CDH18: variants seen among roughly 807,000 people sequenced by gnomAD.
CDH18 encodes cadherin 18, also known as cadherin-18.
In CDH18, 31 loss-of-function variants were observed where a neutral mutation model predicts 67.9. The ratio of observed to expected loss-of-function variants is 0.46; its 90% CI spans 0.34 to 0.62. The LOEUF is 0.62. Among genes scored for constraint, CDH18 ranks in the 20% least tolerant of loss-of-function variants. The pLI, the probability that CDH18 is intolerant of heterozygous loss-of-function variation, is 0.01. For synonymous variants in CDH18, 362 were observed against 347.2 expected (o/e 1.04, Z -0.48); for missense variants, 890 against 975.5 (o/e 0.91, Z 1.17).
At chr5:20,044,662 C>T (rs898314129) in intron 2 of CDH18, among the ~76,000 whole-genome samples, 22 of 152,026 alleles carry the variant, frequency 1.4e-4, no homozygotes, top group African/African-American at 4.8e-4. Flanking sequence ...ATCAGGAACA[C>T]TTTGAATTGT....
At chr5:20,536,705 C>G (rs558956144) in intron 1 of CDH18, among the ~76,000 whole-genome samples, 1 of 152,214 alleles carries the variant, frequency 6.6e-6, no homozygotes, top group African/African-American at 2.4e-5. Flanking sequence ...AAATAGACAG[C>G]ACAGAACATC....
chr5:20,039,684 A>G (rs1486620877), intron 2 of CDH18, among the ~76,000 whole-genome samples: 5 of 152,226 alleles, frequency 3.3e-5, no homozygotes, highest in Admixed American at 3.3e-4. Context: ...TACACCTTAT[A>G]CAAAAATTAC....
intron 2 of CDH18, among the ~76,000 whole-genome samples, chr5:20,053,341 C>G (rs1741610876): frequency 6.6e-6 from 1 of 151,566 alleles, no homozygotes; most frequent in African/African-American, 2.4e-5. Flanking sequence ...AAAGGTCACT[C>G]TTTAGGTTCC....
At chr5:20,539,512 C>T (rs546500920) in intron 1 of CDH18, among the ~76,000 whole-genome samples, 199 of 151,972 alleles carry the variant, frequency 1.3e-3, no homozygotes, top group African/African-American at 4.6e-3. Context: ...ATATATTTTC[C>T]ATAGTGAAAC....
chr5:19,787,334 C>T (rs1269293663), intron 3 of CDH18, among the ~76,000 whole-genome samples: 1 of 150,950 alleles, frequency 6.6e-6, no homozygotes, highest in Non-Finnish European at 1.5e-5. Flanking sequence ...CACCTGTAGT[C>T]CCAGCTACTA....
At position 20,369,070 on chromosome 5, in the gene CDH18, G is replaced by A. The variant is rs570787483; in HGVS notation, c.-579-113565C>T. On this transcript the variant is annotated intron_variant, in intron 1 of 14. Transcript: ENST00000507958. ...AATCTTTTTCTTCTTCTTCTTCTCA[G>A]CTTGCCCTTGACTGCTATGGAAACC... Among the ~76,000 whole-genome samples the A allele has an allele frequency of 4.0e-5, 6 of 151,838 alleles. No individual in the cohort carries two copies. In the South Asian group the frequency reaches 1.0e-3, roughly 26 times the overall value.
intron 2 of CDH18, among the ~76,000 whole-genome samples, chr5:20,225,834 A>C (rs1341838311): frequency 6.6e-6 from 1 of 152,136 alleles, no homozygotes; most frequent in Non-Finnish European, 1.5e-5. Flanking sequence ...GTGAAATGGA[A>C]ACTTTTAAGC....
chr5:20,385,972 G>A (rs1369378198), intron 1 of CDH18, among the ~76,000 whole-genome samples: 2 of 152,156 alleles, frequency 1.3e-5, no homozygotes, highest in African/African-American at 4.8e-5. Context: ...TTTCATAGGT[G>A]TAGTTGTTAC....
intron 1 of CDH18, among the ~76,000 whole-genome samples, chr5:20,474,409 G>T (rs1390325533): frequency 6.6e-6 from 1 of 152,120 alleles, no homozygotes; most frequent in Non-Finnish European, 1.5e-5. Context: ...AGCTTACTAA[G>T]TTCCCAGAAG....
chr5:19,612,493 G>C lies in CDH18; in HGVS notation c.752C>G (p.Ser251Cys). The part of the protein sequence containing the change: ...MAGQVGGLSG[S>C]TTVNITLTDV... ...GGTTAAGGTGATGTTGACTGTTGTA[G>C]ATCCTGAAAGCCCTCCAACTTGCCC... The change falls in exon 6 of 13, where the codon TCT becomes TGT. Residue 251 changes from serine (S) to cysteine (C), a missense_variant. Physicochemically the swap from Ser to Cys is moderately radical, Grantham distance 112. Transcript: ENST00000382275. 3 of 1,614,090 alleles carry C rather than the reference G, an allele frequency of 1.9e-6. No homozygotes were observed. The highest frequency in any genetic ancestry group is 2.5e-6 in the Non-Finnish European group (3 of 1,180,010).
At chr5:19,745,608 T>C (rs17287316) in intron 4 of CDH18, among the ~76,000 whole-genome samples, 14,732 of 152,150 alleles carry the variant, frequency 0.097, 829 homozygotes, top group Admixed American at 0.15. Context: ...CCCACCAGGG[T>C]TAAAAAATGC....
At chr5:19,845,035 A>T (rs1170830059) in intron 2 of CDH18, among the ~76,000 whole-genome samples, 2 of 152,204 alleles carry the variant, frequency 1.3e-5, no homozygotes, top group South Asian at 4.1e-4. Context: ...TACTAAGAAG[A>T]CATGCACAGT....
intron 2 of CDH18, among the ~76,000 whole-genome samples, chr5:19,915,506 G>A (rs916571241): frequency 6.6e-6 from 1 of 151,972 alleles, no homozygotes; most frequent in Non-Finnish European, 1.5e-5. Flanking sequence ...ACAGCCTACT[G>A]TTGACTGGAA....
intron 2 of CDH18, among the ~76,000 whole-genome samples, chr5:19,903,854 C>T (rs966096766): frequency 6.6e-6 from 1 of 151,994 alleles, no homozygotes; most frequent in African/African-American, 2.4e-5. Flanking sequence ...CAGCGATTTC[C>T]TCATATGTTG....
At chr5:19,614,499 T>C (rs1032421487) in intron 5 of CDH18, among the ~76,000 whole-genome samples, 3 of 152,090 alleles carry the variant, frequency 2.0e-5, no homozygotes, top group Non-Finnish European at 2.9e-5. Context: ...ATTGAATTGA[T>C]ACAGAAATGA....
chr5:19,889,716 A>G (rs1236218838), intron 2 of CDH18, among the ~76,000 whole-genome samples: 5 of 152,134 alleles, frequency 3.3e-5, no homozygotes, highest in Non-Finnish European at 5.9e-5. Context: ...TAGAAAAATG[A>G]GATCTAGCAA....
intron 1 of CDH18, among the ~76,000 whole-genome samples, chr5:20,537,190 C>T (rs989030364): frequency 3.9e-5 from 6 of 152,200 alleles, no homozygotes; most frequent in African/African-American, 1.4e-4. Flanking sequence ...TTTTCATGCA[C>T]ATATTTCCTG....
chr5:20,103,195 G>A (rs1018383093), intron 2 of CDH18, among the ~76,000 whole-genome samples: 1 of 152,118 alleles, frequency 6.6e-6, no homozygotes, highest in Non-Finnish European at 1.5e-5. Flanking sequence ...TTTAAGCAAT[G>A]TGCTGGAATA....
chr5:20,464,695 A>T (rs1007576405), intron 1 of CDH18, among the ~76,000 whole-genome samples: 3 of 152,158 alleles, frequency 2.0e-5, no homozygotes, highest in African/African-American at 7.2e-5. Flanking sequence ...ATAGTATTAA[A>T]GTTCCATTCT....
Sources: gnomAD v4.1 joint callset for allele counts (sites outside exome capture counted in the v4.1 genomes callset) on GRCh38, gnomAD v4.1.1 for gene constraint, MANE v1.5 for transcripts, NCBI Gene and HGNC (gene_info 2026-07-23, HGNC 2026-07-21) for gene names.